ALDH1A2: variants seen among roughly 807,000 people sequenced by gnomAD.
ALDH1A2 encodes aldehyde dehydrogenase 1 family member A2.
A neutral mutation model predicts 60.3 loss-of-function variants in ALDH1A2; 27 were observed. The observed-to-expected ratio is 0.45, with a 90% CI of 0.33 to 0.62. The LOEUF (loss-of-function observed/expected upper bound fraction) is 0.62, where lower values mean the gene tolerates loss of function less well. Ranked by LOEUF, ALDH1A2 falls within the 20% of genes least tolerant of loss-of-function variation. The pLI, the probability that ALDH1A2 is intolerant of heterozygous loss-of-function variation, is 0.02. For synonymous variants in ALDH1A2, 289 were observed against 232.4 expected, an observed-to-expected ratio of 1.24 and a Z score of -2.21; for missense variants, 581 against 643.8, an observed-to-expected ratio of 0.90 and a Z score of 1.06.
intron 7 of ALDH1A2, among the ~76,000 whole-genome samples, chr15:57,981,327 C>CACAG (rs1333117134): frequency 2.1e-5 from 3 of 144,242 alleles, no homozygotes; most frequent in African/African-American, 5.7e-5. Flanking sequence ...CACACACACA[C>CACAG]AGACACACAC....
chr15:57,963,258 T>TG (rs1555398877), intron 9 of ALDH1A2, among the ~76,000 whole-genome samples: 1 of 152,146 alleles, frequency 6.6e-6, no homozygotes, highest in African/African-American at 2.4e-5. Flanking sequence ...GGACTGGGAC[T>TG]GGGTTCTAGT....
intron 1 of ALDH1A2, among the ~76,000 whole-genome samples, chr15:58,026,161 TAG>T (rs1186577259): frequency 3.3e-5 from 5 of 152,040 alleles, no homozygotes; most frequent in Non-Finnish European, 5.9e-5. Context: ...CCTGATGAAA[TAG>T]ACACAAAAAT....
At chr15:57,988,466 A>G (rs745943205) in intron 7 of ALDH1A2, among the ~76,000 whole-genome samples, 3 of 152,250 alleles carry the variant, frequency 2.0e-5, no homozygotes, top group Non-Finnish European at 4.4e-5. Context: ...TCATTAATAC[A>G]TTGAATGTTG....
intron 10 of ALDH1A2, 147 bp from the exon 11 acceptor site, chr15:57,961,441 T>C (rs760983474): frequency 2.9e-5 from 30 of 1,022,266 alleles, no homozygotes; most frequent in South Asian, 1.4e-5. Context: ...CAACCTTTCC[T>C]AGGATAAGAT....
rs139286642 is a variant in ALDH1A2 at position 58,049,704 on chromosome 15, T to C, written c.117+15830A>G. 4.9e-3 allele frequency among the ~76,000 whole-genome samples: 750 copies of C among 152,140 alleles called. 5 individuals carry two copies. The highest frequency in any genetic ancestry group is 0.044 in the Middle Eastern group (13 of 294). On this transcript the variant is annotated intron_variant, in intron 1 of 12. Transcript: ENST00000249750. ...TCACTACCCACTTCTGACACTGCCATAGAGACAGGCTAATGCAGGCTGGTT... is the reference window on the plus strand; with the variant it reads ...TCACTACCCACTTCTGACACTGCCACAGAGACAGGCTAATGCAGGCTGGTT...
intron 7 of ALDH1A2, among the ~76,000 whole-genome samples, chr15:57,989,760 A>G (rs1348112054): frequency 6.6e-6 from 1 of 151,754 alleles, no homozygotes; most frequent in Non-Finnish European, 1.5e-5. Context: ...GTTTTGAAGT[A>G]ACTAAACATT....
chr15:57,989,429 G>A (rs894783882), intron 7 of ALDH1A2, among the ~76,000 whole-genome samples: 1 of 152,034 alleles, frequency 6.6e-6, no homozygotes, highest in South Asian at 2.1e-4. Flanking sequence ...TTAGAAAATC[G>A]GTTTGAAATT....
At chr15:57,960,502 A>G (rs1352751923) in intron 12 of ALDH1A2, among the ~76,000 whole-genome samples, 1 of 152,220 alleles carries the variant, frequency 6.6e-6, no homozygotes, top group Non-Finnish European at 1.5e-5. Context: ...CTGTACTGAC[A>G]AAATGTTTAA....
At chr15:58,013,681 G>A (rs1895701491) in intron 3 of ALDH1A2, among the ~76,000 whole-genome samples, 177 bp downstream of exon 3, 1 of 152,164 alleles carries the variant, frequency 6.6e-6, no homozygotes, top group African/African-American at 2.4e-5. Flanking sequence ...GTACCTGGGA[G>A]GCAGAGGTTG....
chr15:57,976,762 T>C (rs1894273257), intron 7 of ALDH1A2, among the ~76,000 whole-genome samples: 1 of 152,180 alleles, frequency 6.6e-6, no homozygotes, highest in African/African-American at 2.4e-5. Context: ...TGACTTATAA[T>C]CCTTTGGGTA....
chr15:58,032,275 T>C (rs1417408787), intron 1 of ALDH1A2, among the ~76,000 whole-genome samples: 1 of 151,918 alleles, frequency 6.6e-6, no homozygotes, highest in Non-Finnish European at 1.5e-5. Flanking sequence ...AAACACCACA[T>C]GTTCTCACTC....
intron 7 of ALDH1A2, among the ~76,000 whole-genome samples, chr15:57,978,674 T>C (rs1254281490): frequency 3.3e-5 from 5 of 152,018 alleles, no homozygotes; most frequent in African/African-American, 9.7e-5. Flanking sequence ...TGGAGGGGCA[T>C]GTGGCCGGGG....
chr15:58,042,077 T>C (rs574153022), intron 1 of ALDH1A2, among the ~76,000 whole-genome samples: 11 of 152,078 alleles, frequency 7.2e-5, no homozygotes, highest in South Asian at 4.1e-4. Context: ...ACATTCAGAC[T>C]GTAGAAGTCC....
intron 12 of ALDH1A2, 122 bp from the exon 13 acceptor site, chr15:57,955,391 GT>G: frequency 2.0e-6 from 2 of 1,024,438 alleles, no homozygotes; most frequent in East Asian, 2.4e-5. Flanking sequence ...GGATGTTCAT[GT>G]AAAAATTCCT....
Position 57,955,009 on chromosome 15 carries a change from G to C in ALDH1A2, c.*188C>G. The C allele has an allele frequency of 1.5e-6, 1 of 681,506 alleles. No homozygotes were observed. Among genetic ancestry groups the C allele is most frequent in the African/African-American group, 1.8e-5 (1 of 56,338 alleles). The allele number at this position is 681,506 out of a possible 1,614,324, so 42.2% of individuals were successfully genotyped here. On this transcript the variant is annotated 3_prime_UTR_variant, in exon 13 of 13. Coordinates refer to ENST00000249750, the MANE Select transcript of ALDH1A2 (RefSeq NM_003888.4). ...GGTATGATTAAGGTGGCCCCTTACA[G>C]AGTGCCAAGAAACTGTACCCAGCTG... is the stretch of plus-strand genomic sequence containing the variant.
chr15:57,962,206 A>G (rs1413121140), intron 9 of ALDH1A2, 30 bp from the exon 10 acceptor site: 1 of 1,609,050 alleles, frequency 6.2e-7, no homozygotes, highest in Admixed American at 1.7e-5. Context: ...ATGACTCCAA[A>G]TATAACCTTC....
intron 12 of ALDH1A2, among the ~76,000 whole-genome samples, chr15:57,956,286 T>G (rs1893524557): frequency 6.6e-6 from 1 of 152,160 alleles, no homozygotes; most frequent in African/African-American, 2.4e-5. Flanking sequence ...TGTCATATCT[T>G]CTAGATCAGG....
intron 7 of ALDH1A2, among the ~76,000 whole-genome samples, chr15:57,986,535 C>T (rs1360686918): frequency 1.0e-5 from 1 of 97,904 alleles, no homozygotes; most frequent in African/African-American, 4.1e-5. Flanking sequence ...ATAATGGTCA[C>T]AATGTCCAGT....
chr15:57,958,282 C>T (rs767200069), intron 12 of ALDH1A2, among the ~76,000 whole-genome samples: 9 of 152,192 alleles, frequency 5.9e-5, no homozygotes, highest in Admixed American at 1.3e-4. Context: ...TTTTCAAAGC[C>T]AGTGTCCTGA....
Sources: allele counts gnomAD v4.1 joint callset (sites outside exome capture counted in the v4.1 genomes callset), GRCh38; gene constraint gnomAD v4.1.1; transcripts MANE v1.5; gene names NCBI Gene and HGNC (gene_info 2026-07-23, HGNC 2026-07-21).